TPPP: variants seen among roughly 807,000 people sequenced by gnomAD.
TPPP encodes tubulin polymerization promoting protein, also known as tubulin polymerization-promoting protein.
A neutral mutation model predicts 15.5 loss-of-function variants in TPPP; 6 were observed. That is an observed-to-expected ratio of 0.39 (90% CI 0.21 to 0.77). The LOEUF is 0.77. Ranked by LOEUF, TPPP falls within the 30% of genes least tolerant of loss-of-function variation. The pLI, the probability that TPPP is intolerant of heterozygous loss-of-function variation, is 0.42. For synonymous variants in TPPP, 146 were observed against 133.9 expected (o/e 1.09, Z -0.63); for missense variants, 269 against 307.2 (o/e 0.88, Z 0.93).
upstream of TPPP, among the ~76,000 whole-genome samples, chr5:697,708 C>T (rs1408248002): frequency 2.6e-5 from 4 of 151,974 alleles, no homozygotes; most frequent in African/African-American, 9.7e-5. Context: ...TGTGGATGCC[C>T]TGCACTCAGC....
At chr5:696,880 GTC>G (rs1412630234), upstream of TPPP, among the ~76,000 whole-genome samples, 12 of 96,640 alleles carry the variant, frequency 1.2e-4, no homozygotes, top group African/African-American at 3.1e-4. Flanking sequence ...CTATTTGTGT[GTC>G]TCTGTGTGTA....
chr5:692,496 A>C, intron 1 of TPPP: 1 of 552,696 alleles, frequency 1.8e-6, no homozygotes, highest in Non-Finnish European at 2.2e-6. Flanking sequence ...TCAAGACAAC[A>C]GCCCCCCCAA....
At chr5:680,344 A>G (rs457718) in intron 1 of TPPP, among the ~76,000 whole-genome samples, 10,341 of 45,458 alleles carry the variant, frequency 0.23, 1,911 homozygotes, top group African/African-American at 0.42. Flanking sequence ...AAAATGCTTC[A>G]GGCTGGGACT....
chr5:696,796 GTAT>G (rs1741019744), upstream of TPPP, among the ~76,000 whole-genome samples: 1 of 66,298 alleles, frequency 1.5e-5, no homozygotes, highest in African/African-American at 9.3e-5. Flanking sequence ...ATGTGCACCT[GTAT>G]GTGTGAGTAT....
At chr5:683,581 G>A (rs1396051454) in intron 1 of TPPP, among the ~76,000 whole-genome samples, 3 of 152,190 alleles carry the variant, frequency 2.0e-5, no homozygotes, top group South Asian at 2.1e-4. Flanking sequence ...GGAATCCAAC[G>A]TGCTGTGACT....
chr5:674,857 G>A lies in TPPP; in HGVS notation c.311+2893C>T, dbSNP rs543863060. On this transcript the variant is annotated intron_variant, in intron 2 of 3. Coordinates refer to ENST00000360578, the MANE Select transcript of TPPP (RefSeq NM_007030.3). Reference sequence around the variant, plus strand: ...CTGTGGATGATGTGGGAGCTCCAGCGAGCCTGTGGGAGCTGCCCCTTGCCA... The same window carrying A: ...CTGTGGATGATGTGGGAGCTCCAGCAAGCCTGTGGGAGCTGCCCCTTGCCA... Among the ~76,000 whole-genome samples the A allele has an allele frequency of 1.3e-4, 19 of 151,756 alleles. No homozygotes were observed. In the South Asian group the frequency reaches 1.9e-3, roughly 15 times the overall value.
At chr5:692,581 T>A in intron 1 of TPPP, 1 of 981,588 alleles carries the variant, frequency 1.0e-6, no homozygotes, top group Non-Finnish European at 1.2e-6. Flanking sequence ...TCCGTTTACG[T>A]AACCGAAACC....
Position 665,970 on chromosome 5 carries a change from C to G in TPPP, c.465G>C (p.Thr155=). 1 of 1,588,778 alleles carries G rather than the reference C, an allele frequency of 6.3e-7. No homozygotes were observed. The highest frequency in any genetic ancestry group is 8.5e-7 in the Non-Finnish European group (1 of 1,173,910). The change falls in exon 3 of 4, where the codon ACG becomes ACC. Residue 155 remains threonine, a splice_region_variant and synonymous_variant. Coordinates refer to ENST00000360578, the MANE Select transcript of TPPP (RefSeq NM_007030.3). ...CGCCTTCCATCCCCGCCCTGCTCAC[C>G]GTCACCCCTGAGATGATGGGCGCCT... The part of the protein sequence containing the change: ...EGKAPIISGV[T]KAISSPTVSR...
chr5:673,175 G>A (rs1000462308), intron 2 of TPPP, among the ~76,000 whole-genome samples: 4 of 152,264 alleles, frequency 2.6e-5, no homozygotes, highest in South Asian at 4.1e-4. Context: ...CCACAGGCCC[G>A]CCGCCACCAC....
chr5:670,088 C>T (rs1173974044), intron 2 of TPPP, among the ~76,000 whole-genome samples: 2 of 151,678 alleles, frequency 1.3e-5, no homozygotes, highest in African/African-American at 2.4e-5. Context: ...AGTCCCCTGG[C>T]CTCTGGGCCT....
At chr5:671,018 G>A (rs181843776) in intron 2 of TPPP, among the ~76,000 whole-genome samples, 12 of 152,254 alleles carry the variant, frequency 7.9e-5, no homozygotes, top group African/African-American at 2.9e-4. Context: ...GGCGGGCTGA[G>A]GGCCAGGGCC....
upstream of TPPP, among the ~76,000 whole-genome samples, chr5:696,749 C>T (rs1741018478): frequency 1.3e-5 from 1 of 79,794 alleles, no homozygotes; most frequent in Non-Finnish European, 2.9e-5. Flanking sequence ...TGAGAGTGTG[C>T]ACATGCATGC....
At chr5:665,397 A>G in intron 3 of TPPP, 101 bp from the exon 4 acceptor site, 1 of 1,111,254 alleles carries the variant, frequency 9.0e-7, no homozygotes, top group Non-Finnish European at 1.3e-6. Flanking sequence ...GCGGTGGGGC[A>G]CTGGGCAAGG....
rs1277204875 is a variant in TPPP at position 688,436 on chromosome 5, C to G, written c.-5+4842G>C. ...GTTAGCCAGCACAGCAGTGTGCCCA[C>G]CACGTGGCTTCTGGTTAAAGGTTAA... On this transcript the variant is annotated intron_variant, in intron 1 of 3. Coordinates refer to ENST00000360578, the MANE Select transcript of TPPP (RefSeq NM_007030.3). Among the ~76,000 whole-genome samples the G allele has an allele frequency of 6.6e-5, 10 of 151,044 alleles. No homozygotes were observed. In the East Asian group the frequency reaches 1.7e-3, roughly 26 times the overall value.
chr5:667,703 G>GA (rs950555528), intron 2 of TPPP, among the ~76,000 whole-genome samples: 44 of 151,264 alleles, frequency 2.9e-4, no homozygotes, highest in African/African-American at 9.3e-4. Context: ...TCAGCAGTAA[G>GA]AAAAAAAATC....
the TPPP span, among the ~76,000 whole-genome samples, chr5:700,186 G>C: frequency 2.6e-4 from 40 of 152,110 alleles, 2 homozygotes; most frequent in South Asian, 1.9e-3. Context: ...GAAAATGGAT[G>C]AACCTAAGCA....
At chr5:677,338 C>T (rs537779627) in intron 2 of TPPP, among the ~76,000 whole-genome samples, 1 of 152,366 alleles carries the variant, frequency 6.6e-6, no homozygotes, top group Admixed American at 6.5e-5. Context: ...CCACCTGCCC[C>T]TCCAGGCTCC....
At chr5:688,080 T>G (rs142791922) in intron 1 of TPPP, among the ~76,000 whole-genome samples, 1,142 of 95,836 alleles carry the variant, frequency 0.012, 8 homozygotes, top group East Asian at 0.047. Flanking sequence ...CAGGAAACTG[T>G]GGGGGCGAAT....
In TPPP at chr5:665,389, GGT is replaced by G; in HGVS notation, c.466-95_466-94del. ...CTGTGCCCTGGGCAGGTCTCCCAGC[GGT>G]GGGGCACTGGGCAAGGGGCATAAAC... On this transcript the variant is annotated intron_variant, in intron 3 of 3. Coordinates refer to ENST00000360578, the MANE Select transcript of TPPP (RefSeq NM_007030.3). The G allele has an allele frequency of 2.5e-6, 3 of 1,219,918 alleles. No individual in the cohort carries two copies. In the South Asian group the frequency reaches 4.2e-5, roughly 17 times the overall value. 75.6% of individuals were successfully genotyped at this position (1,219,918 alleles called of 1,614,324 possible). A position where few individuals can be genotyped will look rare whatever the true frequency, so the allele number is the denominator to read the frequency against.
Sources: allele counts gnomAD v4.1 joint callset (sites outside exome capture counted in the v4.1 genomes callset), GRCh38; gene constraint gnomAD v4.1.1; transcripts MANE v1.5; gene names NCBI Gene and HGNC (gene_info 2026-07-23, HGNC 2026-07-21).